Variants in SEC63 observed in about 807,000 individuals in gnomAD.
The protein encoded by SEC63 is SEC63 protein translocation regulator, also known as translocation protein SEC63 homolog.
A neutral mutation model predicts 116.2 loss-of-function variants in SEC63; 56 were observed. The ratio of observed to expected loss-of-function variants is 0.48; its 90% CI spans 0.39 to 0.60. The LOEUF is 0.60. Among genes scored for constraint, SEC63 ranks in the 20% least tolerant of loss-of-function variants. The pLI is 0.00. For missense variants in SEC63, 668 were observed against 900.0 expected (o/e 0.74, Z 3.30); for synonymous variants, 273 against 294.6 (o/e 0.93, Z 0.75).
chr6:107,891,196 G>A (rs1786673145), intron 16 of SEC63, among the ~76,000 whole-genome samples: 1 of 152,100 alleles, frequency 6.6e-6, no homozygotes, highest in African/African-American at 2.4e-5. Flanking sequence ...TCACTTTCAG[G>A]TATACCAATC....
At chr6:107,901,272 T>C (rs1419222618) in intron 13 of SEC63, 98 bp downstream of exon 13, 34 of 1,189,260 alleles carry the variant, frequency 2.9e-5, no homozygotes, top group South Asian at 4.9e-5. Flanking sequence ...TAACAAGTTA[T>C]GTTATTAAGT....
intron 3 of SEC63, among the ~76,000 whole-genome samples, chr6:107,922,672 C>T (rs12660742): frequency 2.0e-5 from 3 of 152,164 alleles, no homozygotes; most frequent in East Asian, 1.9e-4. Flanking sequence ...TTCTTAGTCT[C>T]GATTTCTATT....
rs775506751 is a variant in SEC63 at position 107,903,172 on chromosome 6, G to C, written c.1055-174C>G. The C allele has an allele frequency of 3.0e-5, 20 of 675,548 alleles. No homozygotes were observed. In the African/African-American group the frequency reaches 3.3e-4, roughly 11 times the overall value. 41.8% of individuals were successfully genotyped at this position (675,548 alleles called of 1,614,324 possible). A position where few individuals can be genotyped will look rare whatever the true frequency, so the allele number is the denominator to read the frequency against. On this transcript the variant is annotated intron_variant, in intron 11 of 20. Transcript: ENST00000369002. ...GAAGACACTAAAAATATACAAACTC[G>C]ATCTAATGAACATTTTCCAGCAACA...
chr6:107,912,929 TACACA>T (rs907546466), intron 5 of SEC63, among the ~76,000 whole-genome samples, 155 bp from the exon 6 acceptor site: 7 of 152,126 alleles, frequency 4.6e-5, no homozygotes, highest in Admixed American at 6.5e-5. Context: ...AGGCCCCCAT[TACACA>T]AAAGTTCAGG....
chr6:107,953,601 C>T (rs1204922229), intron 1 of SEC63, among the ~76,000 whole-genome samples: 2 of 147,482 alleles, frequency 1.4e-5, no homozygotes, highest in African/African-American at 5.0e-5. Flanking sequence ...GGCCAGCCGC[C>T]CCGTCCGGGA....
In SEC63 at chr6:107,892,632, C is replaced by T. The variant is rs144244351; in HGVS notation, c.1674+850G>A. Among the ~76,000 whole-genome samples the T allele has an allele frequency of 6.7e-3, 1,025 of 152,206 alleles. 14 individuals are homozygous for T. Among genetic ancestry groups the T allele is most frequent in the African/African-American group, 0.024 (995 of 41,514 alleles). ...ACCAATAAGAGTAAAAATGTAAGGA[C>T]TCTTATCCAGAATATATACAGAATT... On this transcript the variant is annotated intron_variant, in intron 16 of 20. Coordinates refer to ENST00000369002, the MANE Select transcript of SEC63 (RefSeq NM_007214.5).
intron 19 of SEC63, among the ~76,000 whole-genome samples, chr6:107,874,513 G>C (rs899365202): frequency 6.7e-6 from 1 of 149,908 alleles, no homozygotes; most frequent in East Asian, 2.0e-4. Flanking sequence ...GGAGAATGGC[G>C]TGAACCCGGG....
In SEC63 at chr6:107,924,829, T is replaced by G; in HGVS notation, c.328A>C (p.Asn110His). The G allele has an allele frequency of 1.3e-6, 2 of 1,515,072 alleles. No individual in the cohort carries two copies. The highest frequency in any genetic ancestry group is 4.5e-5 in the East Asian group (2 of 44,308). 93.9% of individuals were successfully genotyped at this position (1,515,072 alleles called of 1,614,324 possible). ...AAAATACTACTTACAGGATCCAAAT[T>G]TAATACTTCATAAGGATTGTATTCT... is the stretch of plus-strand genomic sequence containing the variant. ...YQEYNPYEVL[N>H]LDPGATVAEI... The change falls in exon 3 of 21, where the codon AAT (asparagine) becomes CAT (histidine). Residue 110 changes from asparagine to histidine, a missense_variant. This residue lies in a region of SEC63 where 142 missense variants were observed against 169.5 expected (regional missense o/e 0.84). Transcript: ENST00000369002.
intron 16 of SEC63, among the ~76,000 whole-genome samples, chr6:107,892,553 GAA>G (rs910108706): frequency 2.6e-5 from 4 of 151,514 alleles, no homozygotes; most frequent in East Asian, 1.9e-4. Flanking sequence ...CCTCACTGAC[GAA>G]AAAAAGAGAC....
At chr6:107,936,938 C>T (rs1270943254) in intron 1 of SEC63, among the ~76,000 whole-genome samples, 2 of 152,122 alleles carry the variant, frequency 1.3e-5, no homozygotes, top group Non-Finnish European at 2.9e-5. Context: ...TCAATTGTTG[C>T]CATCACTATG....
intron 1 of SEC63, among the ~76,000 whole-genome samples, chr6:107,947,034 T>A (rs1770493778): frequency 6.6e-6 from 1 of 151,330 alleles, no homozygotes; most frequent in Non-Finnish European, 1.5e-5. Flanking sequence ...GCTCTAAATA[T>A]GAACATTAAG....
chr6:107,893,638 C>T lies in SEC63; in HGVS notation c.1518G>A (p.Lys506=). The T allele has an allele frequency of 3.1e-6, 5 of 1,613,326 alleles. No homozygotes were observed. The South Asian group carries it at 4.4e-5, about 14-fold the overall frequency. ...GTTGCCATCCTCCTTTTGTCCTGTT[C>T]TTGTTAGTTTCACCCTGCTGTGAAT... The part of the protein sequence containing the change: ...PAEDGQGETN[K]NRTKGGWQQK... Residue 506 remains lysine (K), a synonymous_variant, in exon 16 of 21, where the codon AAG becomes AAA. Coordinates refer to ENST00000369002, the MANE Select transcript of SEC63 (RefSeq NM_007214.5).
At chr6:107,890,617 C>T (rs1786658819) in intron 16 of SEC63, among the ~76,000 whole-genome samples, 1 of 152,070 alleles carries the variant, frequency 6.6e-6, no homozygotes, top group African/African-American at 2.4e-5. Context: ...CATTATGATG[C>T]TATCTCGTTA....
At position 107,901,418 on chromosome 6, in the gene SEC63, C is replaced by A; in HGVS notation, c.1309G>T (p.Ala437Ser). ...ACATATGGAAAACTCCCAAGGACAGCCATAACCTCTTCATATTTTTCATCT... is the reference window on the plus strand; with the variant it reads ...ACATATGGAAAACTCCCAAGGACAGACATAACCTCTTCATATTTTTCATCT... ...LEDEKYEEVM[A>S]VLGSFPYVTM... is the part of the protein sequence containing the mutation. The change falls in exon 13 of 21, where the codon GCT becomes TCT. Residue 437 changes from alanine to serine, a missense_variant. Coordinates refer to ENST00000369002, the MANE Select transcript of SEC63 (RefSeq NM_007214.5). The A allele has an allele frequency of 1.2e-6, 2 of 1,613,364 alleles. No individual in the cohort carries two copies. Among genetic ancestry groups the A allele is most frequent in the Non-Finnish European group, 1.7e-6 (2 of 1,179,628 alleles).
At chr6:107,879,793 C>T (rs367652999) in intron 18 of SEC63, among the ~76,000 whole-genome samples, 1 of 147,928 alleles carries the variant, frequency 6.8e-6, no homozygotes, top group African/African-American at 2.5e-5. Flanking sequence ...GGCACAATCA[C>T]AGTTCAATGC....
At chr6:107,942,534 C>A (rs931254411) in intron 1 of SEC63, among the ~76,000 whole-genome samples, 1 of 152,006 alleles carries the variant, frequency 6.6e-6, no homozygotes, top group African/African-American at 2.4e-5. Context: ...AGAAAAAAAA[C>A]AAAACAAAAA....
chr6:107,876,194 T>C (rs984475110), intron 19 of SEC63, among the ~76,000 whole-genome samples: 1 of 152,166 alleles, frequency 6.6e-6, no homozygotes, highest in African/African-American at 2.4e-5. Flanking sequence ...GAAATCCACA[T>C]CATCAGTTCT....
intron 6 of SEC63, among the ~76,000 whole-genome samples, chr6:107,912,497 A>C (rs561088524): frequency 1.3e-5 from 2 of 152,314 alleles, no homozygotes; most frequent in East Asian, 3.9e-4. Context: ...AGGCAGGAGA[A>C]TCGCTTGAAC....
chr6:107,903,818 C>T (rs1379562967), intron 11 of SEC63, among the ~76,000 whole-genome samples: 1 of 152,144 alleles, frequency 6.6e-6, no homozygotes, highest in Non-Finnish European at 1.5e-5. Context: ...AATTTTAAAT[C>T]TTTGCAAACA....
Sources: gnomAD v4.1 joint callset for allele counts (sites outside exome capture counted in the v4.1 genomes callset) on GRCh38, gnomAD v4.1.1 for gene constraint, gnomAD v4.1.1 regional missense constraint, MANE v1.5 for transcripts, NCBI Gene and HGNC (gene_info 2026-07-23, HGNC 2026-07-21) for gene names.